CDH13: variants seen among roughly 807,000 people sequenced by gnomAD.
CDH13 encodes cadherin-13.
A neutral mutation model predicts 63.8 loss-of-function variants in CDH13; 24 were observed. The observed-to-expected ratio is 0.38, with a 90% CI of 0.27 to 0.53. The LOEUF (loss-of-function observed/expected upper bound fraction) is 0.53, where lower values mean the gene tolerates loss of function less well. CDH13 is among the 20% of genes least tolerant of loss of function. The pLI is 0.85. For missense variants in CDH13, 1,049 were observed against 903.1 expected, an observed-to-expected ratio of 1.16 and a Z score of -2.07; for synonymous variants, 503 against 355.3, an observed-to-expected ratio of 1.42 and a Z score of -4.67.
At position 83,534,648 on chromosome 16, in the gene CDH13, G is replaced by C. The variant is rs148845146; in HGVS notation, c.960+47993G>C. On this transcript the variant is annotated intron_variant, in intron 7 of 13. Coordinates refer to ENST00000567109, the MANE Select transcript of CDH13 (RefSeq NM_001257.5). Reference sequence around the variant, plus strand: ...GTTTACTGATCCATATGATAGCAGAGGTCAGCACTTCTTTTCATAGCTGAA... The same window carrying C: ...GTTTACTGATCCATATGATAGCAGACGTCAGCACTTCTTTTCATAGCTGAA... 2.5e-3 allele frequency among the ~76,000 whole-genome samples: 382 copies of C among 152,292 alleles called. 5 individuals are homozygous for C. The highest frequency in any genetic ancestry group is 8.6e-3 in the African/African-American group (358 of 41,552).
chr16:83,065,414 C>A (rs1317572005), intron 3 of CDH13, among the ~76,000 whole-genome samples: 1 of 152,042 alleles, frequency 6.6e-6, no homozygotes, highest in Admixed American at 6.6e-5. Flanking sequence ...CAGATATAGA[C>A]CACTTCCAGG....
At chr16:82,862,881 A>T (rs1567610732) in intron 2 of CDH13, among the ~76,000 whole-genome samples, 1 of 152,218 alleles carries the variant, frequency 6.6e-6, no homozygotes, top group Non-Finnish European at 1.5e-5. Context: ...GGCTACTTCC[A>T]ACTTGGTCCT....
intron 4 of CDH13, among the ~76,000 whole-genome samples, chr16:83,147,704 G>A (rs1256272950): frequency 1.3e-5 from 2 of 151,864 alleles, no homozygotes; most frequent in Non-Finnish European, 2.9e-5. Context: ...CACCCCACTT[G>A]CGTTCCACCC....
At chr16:83,431,981 G>A (rs74032076) in intron 6 of CDH13, among the ~76,000 whole-genome samples, 4,208 of 152,198 alleles carry the variant, frequency 0.028, 190 homozygotes, top group African/African-American at 0.095. Flanking sequence ...ATGTTTTAAT[G>A]GATCCTTCTG....
At chr16:82,796,477 G>C (rs988867692) in intron 1 of CDH13, among the ~76,000 whole-genome samples, 2 of 152,226 alleles carry the variant, frequency 1.3e-5, no homozygotes, top group African/African-American at 2.4e-5. Context: ...TTTCAACAGT[G>C]AAGGAGGACA....
intron 1 of CDH13, among the ~76,000 whole-genome samples, chr16:82,683,994 G>C (rs1215040060): frequency 6.6e-6 from 1 of 152,234 alleles, no homozygotes; most frequent in Non-Finnish European, 1.5e-5. Flanking sequence ...GCTCTAAGCA[G>C]TTGGATGGGG....
intron 5 of CDH13, among the ~76,000 whole-genome samples, chr16:83,223,935 C>T (rs1244283121): frequency 6.6e-6 from 1 of 152,164 alleles, no homozygotes; most frequent in Non-Finnish European, 1.5e-5. Flanking sequence ...GCACCCATCA[C>T]ACGAGCAGTA....
chr16:83,390,182 C>T (rs2091758893), intron 6 of CDH13, among the ~76,000 whole-genome samples: 1 of 149,386 alleles, frequency 6.7e-6, no homozygotes, highest in South Asian at 2.1e-4. Context: ...AACTCAGAAA[C>T]ACTCAATTTC....
chr16:82,791,413 G>A (rs1169089458), intron 1 of CDH13, among the ~76,000 whole-genome samples: 2 of 152,124 alleles, frequency 1.3e-5, no homozygotes, highest in African/African-American at 4.8e-5. Context: ...ATCATATATC[G>A]CCTGAGAACA....
chr16:82,947,944 A>C (rs1904909706), intron 2 of CDH13, among the ~76,000 whole-genome samples: 1 of 152,210 alleles, frequency 6.6e-6, no homozygotes, highest in African/African-American at 2.4e-5. Context: ...CTCTGAATTC[A>C]CTGGGCATTT....
intron 6 of CDH13, among the ~76,000 whole-genome samples, chr16:83,380,514 G>GA (rs932428863): frequency 6.6e-5 from 10 of 150,992 alleles, no homozygotes; most frequent in South Asian, 4.2e-4. Flanking sequence ...GCATGTAAAA[G>GA]AAAAAAAAAT....
chr16:83,028,270 A>G (rs904996239), intron 2 of CDH13, among the ~76,000 whole-genome samples: 5 of 152,222 alleles, frequency 3.3e-5, no homozygotes, highest in South Asian at 2.1e-4. Context: ...TTCACTTCCA[A>G]AAACTGAAAC....
intron 3 of CDH13, among the ~76,000 whole-genome samples, chr16:83,125,159 G>T (rs1042759558): frequency 6.6e-6 from 1 of 152,160 alleles, no homozygotes. Context: ...AGAATGATTT[G>T]GAAGTTGGGT....
chr16:83,794,300 C>A (rs984635852), intron 13 of CDH13, among the ~76,000 whole-genome samples: 1 of 152,206 alleles, frequency 6.6e-6, no homozygotes, highest in Non-Finnish European at 1.5e-5. Context: ...GCCTATAACC[C>A]CCAGCACTTT....
At chr16:83,754,400 A>G (rs1282346433) in intron 11 of CDH13, among the ~76,000 whole-genome samples, 3 of 152,176 alleles carry the variant, frequency 2.0e-5, no homozygotes, top group Non-Finnish European at 4.4e-5. Flanking sequence ...GTAAGCCAGA[A>G]GTTGACTCAG....
At chr16:82,773,394 G>A (rs1320384630) in intron 1 of CDH13, 15 of 152,296 alleles carry the variant, frequency 9.8e-5, no homozygotes, top group Admixed American at 9.2e-4. Flanking sequence ...TGCCACCCCT[G>A]CCCTGCTCCC....
chr16:83,738,936 G>A (rs77953884), intron 10 of CDH13, among the ~76,000 whole-genome samples: 2,069 of 152,224 alleles, frequency 0.014, 38 homozygotes, highest in African/African-American at 0.044. Flanking sequence ...AGGAGAAATA[G>A]GAATTTAGTG....
At chr16:82,762,428 C>G (rs2034889361) in intron 1 of CDH13, among the ~76,000 whole-genome samples, 1 of 152,154 alleles carries the variant, frequency 6.6e-6, no homozygotes, top group Non-Finnish European at 1.5e-5. Context: ...AGTGCTGTAG[C>G]TAAAGGGAGC....
intron 2 of CDH13, among the ~76,000 whole-genome samples, chr16:83,017,267 T>C (rs889415893): frequency 1.3e-5 from 2 of 152,168 alleles, no homozygotes; most frequent in Non-Finnish European, 1.5e-5. Flanking sequence ...GCTGTCTGGA[T>C]TTTTGCTGAT....
Sources: gnomAD v4.1 joint callset for allele counts (sites outside exome capture counted in the v4.1 genomes callset) on GRCh38, gnomAD v4.1.1 for gene constraint, MANE v1.5 for transcripts, NCBI Gene and HGNC (gene_info 2026-07-23, HGNC 2026-07-21) for gene names.